The following KCNN2 variants were observed in gnomAD, a reference collection of about 807,000 sequenced individuals.
KCNN2 encodes small conductance calcium-activated potassium channel protein 2.
KCNN2 carries 24 observed loss-of-function variants against 55.5 expected under a neutral mutation model. That is an observed-to-expected ratio of 0.43 (90% CI 0.31 to 0.61). The LOEUF (loss-of-function observed/expected upper bound fraction) is 0.61, where lower values mean the gene tolerates loss of function less well. Ranked by LOEUF, KCNN2 falls within the 20% of genes least tolerant of loss-of-function variation. The pLI is 0.08. For synonymous variants in KCNN2, 431 were observed against 336.1 expected (o/e 1.28, Z -3.09); for missense variants, 754 against 853.6 (o/e 0.88, Z 1.45).
intron 4 of KCNN2, among the ~76,000 whole-genome samples, chr5:114,465,743 T>G (rs1761416027): frequency 6.6e-6 from 1 of 152,246 alleles, no homozygotes; most frequent in African/African-American, 2.4e-5. Flanking sequence ...CCCTCTATTC[T>G]TAGGCTGAGG....
intron 1 of KCNN2, among the ~76,000 whole-genome samples, chr5:114,168,170 T>TACAC (rs920139618): frequency 7.8e-6 from 1 of 127,608 alleles, no homozygotes; most frequent in Non-Finnish European, 1.7e-5. Context: ...TATGTGGATA[T>TACAC]ATATACACAC....
chr5:114,491,143 G>A (rs1747828145), intron 6 of KCNN2, among the ~76,000 whole-genome samples: 1 of 152,110 alleles, frequency 6.6e-6, no homozygotes, highest in Non-Finnish European at 1.5e-5. Context: ...TCCAAGAGAA[G>A]TAAATTAGGC....
intron 1 of KCNN2, among the ~76,000 whole-genome samples, chr5:114,068,698 T>C (rs1281165989): frequency 6.6e-6 from 1 of 152,256 alleles, no homozygotes. Context: ...GTGAACTTAA[T>C]GCATCATGGA....
intron 1 of KCNN2, among the ~76,000 whole-genome samples, chr5:114,173,438 T>TTGTG (rs61630138): frequency 0.02 from 2,859 of 142,142 alleles, 46 homozygotes; most frequent in Admixed American, 0.045. Flanking sequence ...TTTGTTTTGT[T>TTGTG]TGTGTGTGTG....
intron 2 of KCNN2, among the ~76,000 whole-genome samples, chr5:114,251,917 C>T (rs1179785322): frequency 7.2e-6 from 1 of 138,964 alleles, no homozygotes; most frequent in Admixed American, 7.9e-5. Context: ...CTCGCTCTGT[C>T]GCCCAGGCTG....
intron 1 of KCNN2, among the ~76,000 whole-genome samples, chr5:114,058,927 A>G (rs1750266628): frequency 6.6e-6 from 1 of 152,198 alleles, no homozygotes; most frequent in Admixed American, 6.5e-5. Context: ...CTTACTGCGC[A>G]GGAGACCAGC....
chr5:114,138,479 C>T (rs1250020920), intron 1 of KCNN2, among the ~76,000 whole-genome samples: 4 of 152,176 alleles, frequency 2.6e-5, no homozygotes, highest in Non-Finnish European at 4.4e-5. Flanking sequence ...ACAAAGTTTC[C>T]TTAAGGTCGT....
chr5:114,142,547 A>G (rs1194987578), intron 1 of KCNN2, among the ~76,000 whole-genome samples: 1 of 152,218 alleles, frequency 6.6e-6, no homozygotes, highest in African/African-American at 2.4e-5. Context: ...CAATGGGCAA[A>G]GATCACAGGC....
intron 1 of KCNN2, among the ~76,000 whole-genome samples, chr5:114,185,736 C>T (rs1753317773): frequency 6.6e-6 from 1 of 152,156 alleles, no homozygotes; most frequent in Admixed American, 6.5e-5. Context: ...ATGAAAGTTG[C>T]ATTTTATCTG....
At chr5:114,215,655 G>A (rs1753986244) in intron 1 of KCNN2, among the ~76,000 whole-genome samples, 1 of 152,070 alleles carries the variant, frequency 6.6e-6, no homozygotes, top group African/African-American at 2.4e-5. Flanking sequence ...TTTTCACTGT[G>A]TGTTTCTGCA....
intron 2 of KCNN2, among the ~76,000 whole-genome samples, chr5:114,287,157 A>T (rs1253563184): frequency 6.6e-6 from 1 of 152,124 alleles, no homozygotes; most frequent in Non-Finnish European, 1.5e-5. Flanking sequence ...CTAGTTTAAA[A>T]GCAATTGTTC....
At chr5:114,427,458 C>T (rs907768980) in intron 3 of KCNN2, among the ~76,000 whole-genome samples, 1 of 152,180 alleles carries the variant, frequency 6.6e-6, no homozygotes, top group African/African-American at 2.4e-5. Flanking sequence ...GCCCAAGTGG[C>T]TGTTTGGGTA....
At chr5:114,207,904 A>G (rs1753807425) in intron 1 of KCNN2, among the ~76,000 whole-genome samples, 1 of 152,224 alleles carries the variant, frequency 6.6e-6, no homozygotes. Context: ...TCAATAAAGT[A>G]AAAGTCCCAT....
chr5:114,204,690 C>T (rs997768148), intron 1 of KCNN2, among the ~76,000 whole-genome samples: 3 of 152,134 alleles, frequency 2.0e-5, no homozygotes, highest in Admixed American at 6.5e-5. Flanking sequence ...TGGAAATGGC[C>T]GTGTCACATT....
intron 2 of KCNN2, among the ~76,000 whole-genome samples, chr5:114,296,169 C>T (rs1262548823): frequency 1.3e-5 from 2 of 152,188 alleles, no homozygotes; most frequent in Non-Finnish European, 2.9e-5. Context: ...AAACATTGTT[C>T]TAAGCCATCA....
chr5:114,187,621 T>A (rs1157343954), intron 1 of KCNN2, among the ~76,000 whole-genome samples: 1 of 148,692 alleles, frequency 6.7e-6, no homozygotes, highest in Non-Finnish European at 1.5e-5. Context: ...TTCTCCTGCC[T>A]CAGCCTCCTG....
At chr5:114,317,684 A>C (rs1438610550) in intron 2 of KCNN2, among the ~76,000 whole-genome samples, 1 of 152,204 alleles carries the variant, frequency 6.6e-6, no homozygotes, top group African/African-American at 2.4e-5. Context: ...AAAGTCTTAG[A>C]GTGAGGAGGA....
chr5:114,362,970 G>A lies in KCNN2; in HGVS notation c.831G>A (p.Glu277=). Residue 277 remains glutamate, a synonymous_variant, in exon 1 of 8, where the codon GAG becomes GAA. Transcript: ENST00000673685. The part of the protein sequence containing the change: ...AAAAVSSSAP[E]IVVSKPEHNN... ...CCGCTGTTTCGTCCTCAGCCCCCGA[G>A]ATCGTGGTGTCTAAGCCCGAGCACA... 2 of 1,589,504 alleles carry A rather than the reference G, an allele frequency of 1.3e-6. No individual in the cohort carries two copies. The highest frequency in any genetic ancestry group is 1.7e-6 in the Non-Finnish European group (2 of 1,174,364).
chr5:114,240,476 G>T (rs10061107), intron 2 of KCNN2, among the ~76,000 whole-genome samples: 124,599 of 149,420 alleles, frequency 0.83, 51,977 homozygotes, highest in East Asian at 0.9. Flanking sequence ...TTTTACCCAG[G>T]CTGGAGTTCA....
Sources: gnomAD v4.1 joint callset for allele counts (sites outside exome capture counted in the v4.1 genomes callset) on GRCh38, gnomAD v4.1.1 for gene constraint, MANE v1.5 for transcripts, NCBI Gene and HGNC (gene_info 2026-07-23, HGNC 2026-07-21) for gene names.